Variants in HIVEP3 observed in about 807,000 individuals in gnomAD.
HIVEP3 encodes the protein transcription factor HIVEP3.
HIVEP3 carries 49 observed loss-of-function variants against 152.8 expected under a neutral mutation model. The observed-to-expected ratio is 0.32, with a 90% CI of 0.26 to 0.41. HIVEP3 has a LOEUF of 0.41. HIVEP3 is among the 10% of genes least tolerant of loss of function. HIVEP3 has a pLI of 1.00. For synonymous variants in HIVEP3, 1,269 were observed against 1,289.0 expected (o/e 0.98, Z 0.33); for missense variants, 2,790 against 3,103.3 (o/e 0.90, Z 2.40).
At chr1:41,966,559 C>T (rs537410157) in intron 1 of HIVEP3, among the ~76,000 whole-genome samples, 20 of 148,550 alleles carry the variant, frequency 1.3e-4, no homozygotes, top group South Asian at 4.3e-4. Context: ...CTGCAAGCCC[C>T]GCCTCCTGGG....
rs1034136855 is a variant in HIVEP3 at position 41,507,652 on chromosome 1, A to G, written c.*2799T>C. 3.3e-5 allele frequency: 5 copies of G among 152,464 alleles called. No homozygotes were observed. In the East Asian group the frequency reaches 9.7e-4, roughly 29 times the overall value. The allele number at this position is 152,464 out of a possible 1,614,324, so 9.4% of individuals were successfully genotyped here. A position where few individuals can be genotyped will look rare whatever the true frequency, so the allele number is the denominator to read the frequency against. On this transcript the variant is annotated 3_prime_UTR_variant, in exon 9 of 9. Transcript: ENST00000372583. ...TGCTTCCCTCAACAGGCACAATAAC[A>G]TCACAGGCAAACAGGAAGCTTGGAA...
chr1:41,887,440 A>T (rs1376404529), intron 1 of HIVEP3, among the ~76,000 whole-genome samples: 1 of 152,192 alleles, frequency 6.6e-6, no homozygotes, highest in East Asian at 1.9e-4. Flanking sequence ...ATCTCAACCC[A>T]TCCCTGGAGG....
intron 1 of HIVEP3, among the ~76,000 whole-genome samples, chr1:41,841,977 T>C (rs1643302407): frequency 2.0e-5 from 3 of 151,828 alleles, no homozygotes; most frequent in South Asian, 2.1e-4. Context: ...CCTGTAGTCC[T>C]AGCTACTCAG....
intron 1 of HIVEP3, among the ~76,000 whole-genome samples, chr1:41,981,723 G>A (rs1645295116): frequency 6.6e-6 from 1 of 152,216 alleles, no homozygotes; most frequent in Non-Finnish European, 1.5e-5. Flanking sequence ...TATATAAACA[G>A]CTTCTCACTG....
chr1:41,622,911 T>A (rs1645066287), intron 3 of HIVEP3, among the ~76,000 whole-genome samples: 1 of 152,244 alleles, frequency 6.6e-6, no homozygotes, highest in Non-Finnish European at 1.5e-5. Context: ...CTGTGCCCTT[T>A]ACACATATTC....
At chr1:41,939,974 T>A (rs1269622611) in intron 1 of HIVEP3, among the ~76,000 whole-genome samples, 1 of 151,978 alleles carries the variant, frequency 6.6e-6, no homozygotes, top group Non-Finnish European at 1.5e-5. Flanking sequence ...TTGATCACAT[T>A]ATTGATTATT....
chr1:41,665,339 C>T (rs1351231038), intron 2 of HIVEP3, among the ~76,000 whole-genome samples: 2 of 152,110 alleles, frequency 1.3e-5, no homozygotes, highest in Non-Finnish European at 2.9e-5. Context: ...CAGGTGGTAC[C>T]AGGTGCCAGT....
Position 41,708,629 on chromosome 1 carries a change from G to A in HIVEP3, c.-800-7634C>T, listed in dbSNP as rs574052348. 8.5e-5 allele frequency among the ~76,000 whole-genome samples: 13 copies of A among 152,192 alleles called. No individual in the cohort carries two copies. The South Asian group carries it at 2.5e-3, about 29-fold the overall frequency. On this transcript the variant is annotated intron_variant, in intron 1 of 8. Transcript: ENST00000372583. ...CTTCTTCAGCCTTCCTGTCAATTCCGTAAGATTCTCATTATCCTTCTGATA... is the reference window on the plus strand; with the variant it reads ...CTTCTTCAGCCTTCCTGTCAATTCCATAAGATTCTCATTATCCTTCTGATA...
intron 1 of HIVEP3, among the ~76,000 whole-genome samples, chr1:42,025,599 C>T (rs1415619675): frequency 6.6e-6 from 1 of 152,178 alleles, no homozygotes; most frequent in Non-Finnish European, 1.5e-5. Context: ...TGCTCATTGA[C>T]CCTTGAAAAT....
chr1:41,936,608 CA>C (rs1323930502), intron 1 of HIVEP3, among the ~76,000 whole-genome samples: 5 of 152,150 alleles, frequency 3.3e-5, no homozygotes, highest in Admixed American at 6.5e-5. Flanking sequence ...GCTTAGAGGG[CA>C]AGCTTCAGTT....
At chr1:41,573,952 C>T (rs1644289155) in intron 5 of HIVEP3, among the ~76,000 whole-genome samples, 1 of 152,120 alleles carries the variant, frequency 6.6e-6, no homozygotes, top group South Asian at 2.1e-4. Context: ...CTCCTTCAGC[C>T]ATTGCAGACC....
At chr1:41,812,896 G>A (rs774313150) in intron 1 of HIVEP3, among the ~76,000 whole-genome samples, 2 of 144,972 alleles carry the variant, frequency 1.4e-5, no homozygotes, top group Non-Finnish European at 3.0e-5. Context: ...GGTGGGGGGC[G>A]GTCCTTGCAG....
chr1:41,515,371 A>G (rs1159709918), intron 7 of HIVEP3, among the ~76,000 whole-genome samples: 1 of 152,248 alleles, frequency 6.6e-6, no homozygotes, highest in Non-Finnish European at 1.5e-5. Flanking sequence ...CTGGCAGGCA[A>G]AAGGAGGCCC....
chr1:41,530,981 G>A (rs1391499805), intron 5 of HIVEP3, among the ~76,000 whole-genome samples: 2 of 152,224 alleles, frequency 1.3e-5, no homozygotes, highest in South Asian at 2.1e-4. Context: ...TGGGGAACAC[G>A]AGGGAGGAGC....
intron 1 of HIVEP3, among the ~76,000 whole-genome samples, chr1:41,879,194 C>T (rs1201565972): frequency 1.3e-5 from 2 of 152,200 alleles, no homozygotes; most frequent in Non-Finnish European, 2.9e-5. Flanking sequence ...AGGGGACTTG[C>T]AGGACCTGTT....
At chr1:41,815,650 G>C (rs1651213448) in intron 1 of HIVEP3, among the ~76,000 whole-genome samples, 2 of 152,116 alleles carry the variant, frequency 1.3e-5, no homozygotes, top group African/African-American at 2.4e-5. Flanking sequence ...AGAGGCCCAT[G>C]GAGGAGGCTT....
intron 2 of HIVEP3, among the ~76,000 whole-genome samples, chr1:41,675,289 C>T (rs778059783): frequency 2.6e-5 from 4 of 152,148 alleles, no homozygotes; most frequent in South Asian, 2.1e-4. Context: ...GGTCTTCTTT[C>T]GGTGCCCCCT....
chr1:41,825,905 G>A (rs1165843377), intron 1 of HIVEP3, among the ~76,000 whole-genome samples: 1 of 152,058 alleles, frequency 6.6e-6, no homozygotes, highest in African/African-American at 2.4e-5. Context: ...ACTGCGTCTG[G>A]GGAGTCTCAC....
intron 1 of HIVEP3, among the ~76,000 whole-genome samples, chr1:41,909,668 G>C (rs1199119609): frequency 6.6e-6 from 1 of 152,052 alleles, no homozygotes; most frequent in Non-Finnish European, 1.5e-5. Flanking sequence ...ACAATGGTAG[G>C]ATCCACAGAA....
Sources: gnomAD v4.1 joint callset for allele counts (sites outside exome capture counted in the v4.1 genomes callset) on GRCh38, gnomAD v4.1.1 for gene constraint, MANE v1.5 for transcripts, NCBI Gene and HGNC (gene_info 2026-07-23, HGNC 2026-07-21) for gene names.